The following CD6 variants were observed in gnomAD, a reference collection of about 807,000 sequenced individuals.
CD6 encodes T-cell differentiation antigen CD6.
In CD6, 53 loss-of-function variants were observed where a neutral mutation model predicts 75.3. The observed-to-expected ratio is 0.70, with a 90% CI of 0.56 to 0.88. The LOEUF is 0.88. Among genes scored for constraint, CD6 ranks in the 40% least tolerant of loss-of-function variants. CD6 has a pLI of 0.00. For synonymous variants in CD6, 359 were observed against 381.5 expected, an observed-to-expected ratio of 0.94 and a Z score of 0.69; for missense variants, 770 against 897.1, an observed-to-expected ratio of 0.86 and a Z score of 1.81.
At chr11:60,974,818 T>G (rs748424988) in intron 1 of CD6, among the ~76,000 whole-genome samples, 2 of 152,164 alleles carry the variant, frequency 1.3e-5, no homozygotes, top group Non-Finnish European at 2.9e-5. Context: ...TGACTGTGCT[T>G]CTTTTCTTCT....
intron 1 of CD6, among the ~76,000 whole-genome samples, chr11:60,998,155 A>C (rs575845061): frequency 2.0e-5 from 3 of 152,298 alleles, no homozygotes; most frequent in Non-Finnish European, 4.4e-5. Flanking sequence ...TTTTGCTTTG[A>C]TTACTGACCA....
intron 1 of CD6, among the ~76,000 whole-genome samples, chr11:60,982,075 G>A (rs973886245): frequency 6.8e-6 from 1 of 147,174 alleles, no homozygotes; most frequent in Non-Finnish European, 1.5e-5. Context: ...TGGCGGGGGG[G>A]GGGGTTCTGT....
intron 6 of CD6, 85 bp from the exon 7 acceptor site, chr11:61,013,338 G>A (rs1484109669): frequency 6.8e-7 from 1 of 1,460,838 alleles, no homozygotes; most frequent in East Asian, 2.3e-5. Context: ...AAGGGAAGCA[G>A]GTCAGCTTTA....
rs1473079774 is a variant in CD6 at position 61,020,096 on chromosome 11, G to GC, written c.*782dup. 2.5e-6 allele frequency: 1 copy of GC among 398,618 alleles called. No individual in the cohort carries two copies. Among genetic ancestry groups the GC allele is most frequent in the Non-Finnish European group, 4.4e-6 (1 of 226,216 alleles). The allele number at this position is 398,618 out of a possible 1,614,324, so 24.7% of individuals were successfully genotyped here. The stretch of plus-strand genomic sequence containing the variant: ...GGTTTACAAAGAGGGCCCCAGCCCA[G>GC]CCCCACCACAGATCCCAGAGATAGG... On this transcript the variant is annotated 3_prime_UTR_variant, in exon 13 of 13. Coordinates refer to ENST00000313421, the MANE Select transcript of CD6 (RefSeq NM_006725.5).
At chr11:60,992,310 C>T (rs1590688691) in intron 1 of CD6, among the ~76,000 whole-genome samples, 1 of 151,406 alleles carries the variant, frequency 6.6e-6, no homozygotes, top group Middle Eastern at 3.4e-3. Context: ...CAAGTGTGAA[C>T]CACTGTGCCC....
At chr11:60,975,627 C>G (rs142529435) in intron 1 of CD6, among the ~76,000 whole-genome samples, 1,951 of 152,152 alleles carry the variant, frequency 0.013, 49 homozygotes, top group African/African-American at 0.044. Flanking sequence ...ATGGCAAAAC[C>G]CCGTATCTCC....
At chr11:60,991,678 G>A (rs914714140) in intron 1 of CD6, among the ~76,000 whole-genome samples, 2 of 151,366 alleles carry the variant, frequency 1.3e-5, no homozygotes, top group East Asian at 2.0e-4. Flanking sequence ...TTTTTGTTTC[G>A]TTTTCATTTT....
At chr11:60,995,135 TTC>T (rs1491136068) in intron 1 of CD6, among the ~76,000 whole-genome samples, 3 of 151,986 alleles carry the variant, frequency 2.0e-5, no homozygotes, top group Non-Finnish European at 4.4e-5. Context: ...CTTTTTTTTT[TTC>T]TTTTTCTTTC....
chr11:60,999,155 GGAAA>G (rs556576541), intron 1 of CD6, among the ~76,000 whole-genome samples: 1 of 151,800 alleles, frequency 6.6e-6, no homozygotes, highest in Non-Finnish European at 1.5e-5. Context: ...AAGATAGAAA[GGAAA>G]GAAAGAAAGA....
intron 9 of CD6, 44 bp from the exon 10 acceptor site, chr11:61,017,435 G>A: frequency 6.9e-7 from 1 of 1,453,566 alleles, no homozygotes; most frequent in South Asian, 1.2e-5. Flanking sequence ...CCTAAATGAT[G>A]AGGTTGAGCC....
intron 1 of CD6, among the ~76,000 whole-genome samples, chr11:60,992,866 A>T (rs1185694635): frequency 1.3e-5 from 2 of 152,040 alleles, no homozygotes; most frequent in East Asian, 3.9e-4. Context: ...AATTAAAATA[A>T]ATAAATAAAT....
intron 1 of CD6, chr11:60,982,586 T>C (rs1857614927): frequency 2.2e-6 from 1 of 456,026 alleles, no homozygotes; most frequent in Non-Finnish European, 4.4e-6. Flanking sequence ...TTTGGTGTGC[T>C]CTCGTTTTGC....
At chr11:60,982,722 C>A in intron 1 of CD6, 1 of 456,030 alleles carries the variant, frequency 2.2e-6, no homozygotes, top group Non-Finnish European at 4.4e-6. Context: ...CTGGAAGAAA[C>A]CCCAGCGAGC....
At chr11:61,005,434 T>C (rs1419358477) in intron 1 of CD6, among the ~76,000 whole-genome samples, 1 of 152,186 alleles carries the variant, frequency 6.6e-6, no homozygotes, top group Non-Finnish European at 1.5e-5. Context: ...AGGCTCCCCA[T>C]TGGCTGAATC....
At position 60,996,899 on chromosome 11, in the gene CD6, T is replaced by C. The variant is rs78778058; in HGVS notation, c.50-9675T>C. ...GCCTTCTGAGAGAAGCATTATTAAC[T>C]CCAGTTCATGGATGACAGTCTAAGG... On this transcript the variant is annotated intron_variant, in intron 1 of 12. Coordinates refer to ENST00000313421, the MANE Select transcript of CD6 (RefSeq NM_006725.5). Among the ~76,000 whole-genome samples, 1,200 of 152,246 alleles carry C rather than the reference T, an allele frequency of 7.9e-3. 7 individuals are homozygous for C. Among genetic ancestry groups the C allele is most frequent in the Non-Finnish European group, 0.013 (900 of 68,006 alleles).
At chr11:61,013,584 G>T (rs1319750939) in intron 7 of CD6, 21 bp downstream of exon 7, 7 of 1,612,670 alleles carry the variant, frequency 4.3e-6, no homozygotes, top group Non-Finnish European at 5.9e-6. Flanking sequence ...GGTTCTGGGA[G>T]CCATGGCCAT....
chr11:61,013,699 TC>T, intron 7 of CD6, 136 bp downstream of exon 7: 1 of 1,010,850 alleles, frequency 9.9e-7, no homozygotes, highest in Non-Finnish European at 1.5e-6. Context: ...GAAAGGATTT[TC>T]CCAGCATGCC....
intron 1 of CD6, 70 bp from the exon 2 acceptor site, chr11:61,006,504 C>A: frequency 7.7e-7 from 1 of 1,295,956 alleles, no homozygotes. Flanking sequence ...GCCCCCTGCT[C>A]ATCAGGGTGT....
In CD6 at chr11:61,013,693, G is replaced by C. The variant is rs923974263; in HGVS notation, c.1291+130G>C. On this transcript the variant is annotated intron_variant, in intron 7 of 12. Coordinates refer to ENST00000313421, the MANE Select transcript of CD6 (RefSeq NM_006725.5). ...CCTGGGGAGATCCCCAAGGTGGAAA[G>C]GATTTTCCCAGCATGCCCAGCAGTC... 104 of 1,067,598 alleles carry C rather than the reference G, an allele frequency of 9.7e-5. No individual in the cohort carries two copies. In the Middle Eastern group the frequency reaches 1.2e-3, roughly 12 times the overall value. 66.1% of individuals were successfully genotyped at this position (1,067,598 alleles called of 1,614,324 possible).
Sources: gnomAD v4.1 joint callset for allele counts (sites outside exome capture counted in the v4.1 genomes callset) on GRCh38, gnomAD v4.1.1 for gene constraint, MANE v1.5 for transcripts, NCBI Gene and HGNC (gene_info 2026-07-23, HGNC 2026-07-21) for gene names.